PCDH7: variants seen among roughly 807,000 people sequenced by gnomAD.
PCDH7 encodes protocadherin-7.
PCDH7 carries 17 observed loss-of-function variants against 58.9 expected under a neutral mutation model. The observed-to-expected ratio is 0.29, with a 90% CI of 0.20 to 0.43. The LOEUF (loss-of-function observed/expected upper bound fraction) is 0.43, where lower values mean the gene tolerates loss of function less well. PCDH7 is among the 20% of genes least tolerant of loss of function. The probability of loss-of-function intolerance (pLI) is 1.00; values close to 1 mark genes in which losing one functional copy is unlikely to be tolerated. For missense variants in PCDH7, 1,274 were observed against 1,441.0 expected (o/e 0.88, Z 1.88); for synonymous variants, 664 against 616.4 (o/e 1.08, Z -1.14).
intron 3 of PCDH7, among the ~76,000 whole-genome samples, chr4:31,066,790 A>G (rs1447897393): frequency 2.0e-5 from 3 of 151,962 alleles, no homozygotes; most frequent in Non-Finnish European, 4.4e-5. Context: ...ATAAAGGTTC[A>G]ATTACTCCAT....
chr4:30,775,174 A>C (rs896974214), intron 1 of PCDH7, among the ~76,000 whole-genome samples: 2 of 152,170 alleles, frequency 1.3e-5, no homozygotes, highest in African/African-American at 2.4e-5. Context: ...GTGCCGAGAG[A>C]GAATTGGGTT....
intron 3 of PCDH7, among the ~76,000 whole-genome samples, chr4:31,142,222 T>C (rs193042973): frequency 1.9e-4 from 29 of 152,086 alleles, no homozygotes; most frequent in Non-Finnish European, 4.4e-5. Flanking sequence ...ATATATCTGT[T>C]TCATCTACAC....
intron 1 of PCDH7, among the ~76,000 whole-genome samples, chr4:30,791,317 A>G (rs1409679681): frequency 1.3e-5 from 2 of 152,192 alleles, no homozygotes; most frequent in African/African-American, 2.4e-5. Context: ...CTTTGGACAA[A>G]TTACATCTTA....
intron 1 of PCDH7, among the ~76,000 whole-genome samples, chr4:30,781,472 T>G (rs1325314296): frequency 6.6e-6 from 1 of 151,394 alleles, no homozygotes; most frequent in African/African-American, 2.4e-5. Flanking sequence ...CCCAAATCAT[T>G]TATACTCTGA....
At chr4:30,867,676 C>A (rs1735043256) in intron 1 of PCDH7, among the ~76,000 whole-genome samples, 1 of 152,004 alleles carries the variant, frequency 6.6e-6, no homozygotes, top group Non-Finnish European at 1.5e-5. Context: ...TTCACTGGTG[C>A]CGCCACTTCC....
chr4:30,988,454 A>G (rs1751178019), intron 3 of PCDH7, among the ~76,000 whole-genome samples: 1 of 152,208 alleles, frequency 6.6e-6, no homozygotes, highest in Admixed American at 6.5e-5. Context: ...GAGAAGCCCA[A>G]CATTTTCCAT....
chr4:30,949,056 A>G (rs1461626541), intron 2 of PCDH7, among the ~76,000 whole-genome samples: 1 of 152,208 alleles, frequency 6.6e-6, no homozygotes, highest in Non-Finnish European at 1.5e-5. Context: ...CTGTCTTTAG[A>G]GAAAAATTCA....
chr4:30,930,186 C>T (rs1744396056), intron 2 of PCDH7, among the ~76,000 whole-genome samples: 1 of 152,108 alleles, frequency 6.6e-6, no homozygotes, highest in Admixed American at 6.6e-5. Context: ...TACAAAAAAT[C>T]ATAGCCGTGG....
At chr4:30,748,714 A>G (rs1337476592) in intron 1 of PCDH7, among the ~76,000 whole-genome samples, 1 of 152,184 alleles carries the variant, frequency 6.6e-6, no homozygotes, top group Non-Finnish European at 1.5e-5. Flanking sequence ...GAACACTGGG[A>G]ATAGCAATAT....
intron 3 of PCDH7, among the ~76,000 whole-genome samples, chr4:31,019,074 C>T (rs949381330): frequency 1.3e-5 from 2 of 151,936 alleles, no homozygotes; most frequent in Non-Finnish European, 2.9e-5. Context: ...TGACTATTGA[C>T]TCAACATTCC....
chr4:31,038,513 T>G (rs1755595069), intron 3 of PCDH7, among the ~76,000 whole-genome samples: 1 of 152,070 alleles, frequency 6.6e-6, no homozygotes. Flanking sequence ...AGAAAATAAA[T>G]AGAGTTTACT....
At chr4:30,743,410 AG>A (rs2109250633) in intron 1 of PCDH7, among the ~76,000 whole-genome samples, 1 of 151,562 alleles carries the variant, frequency 6.6e-6, no homozygotes, top group East Asian at 2.0e-4. Flanking sequence ...GATTTTGCTC[AG>A]GGGTTCAAAA....
chr4:31,010,841 C>T (rs978827403), intron 3 of PCDH7, among the ~76,000 whole-genome samples: 3 of 151,860 alleles, frequency 2.0e-5, no homozygotes, highest in South Asian at 2.1e-4. Context: ...TTTTAAGCCT[C>T]ATTTTTTCTC....
At chr4:31,008,169 G>GA (rs1047015930) in intron 3 of PCDH7, among the ~76,000 whole-genome samples, 13 of 150,078 alleles carry the variant, frequency 8.7e-5, no homozygotes, top group Admixed American at 2.0e-4. Context: ...AATGAATTAT[G>GA]AAAAAAAAAT....
chr4:31,082,292 A>G (rs1009547024), intron 3 of PCDH7, among the ~76,000 whole-genome samples: 1 of 152,328 alleles, frequency 6.6e-6, no homozygotes, highest in Non-Finnish European at 1.5e-5. Context: ...TCATTGGGAT[A>G]CAACAACCTT....
chr4:30,889,338 A>AAAT, intron 1 of PCDH7, among the ~76,000 whole-genome samples: 2 of 148,194 alleles, frequency 1.3e-5, no homozygotes, highest in Non-Finnish European at 3.0e-5. Flanking sequence ...TTTGTTACAA[A>AAAT]AATAATAATA....
chr4:30,870,332 T>G (rs1735417284), intron 1 of PCDH7, among the ~76,000 whole-genome samples: 1 of 152,144 alleles, frequency 6.6e-6, no homozygotes, highest in African/African-American at 2.4e-5. Context: ...GCATTGCTTT[T>G]GGTGTTTTTG....
At chr4:31,029,396 G>A (rs772864906) in intron 3 of PCDH7, among the ~76,000 whole-genome samples, 5 of 152,164 alleles carry the variant, frequency 3.3e-5, no homozygotes, top group Non-Finnish European at 7.3e-5. Context: ...ATCTAGAGGG[G>A]CGCTCAGCAG....
At chr4:30,927,055 G>C (rs374670567) in intron 2 of PCDH7, among the ~76,000 whole-genome samples, 1 of 151,976 alleles carries the variant, frequency 6.6e-6, no homozygotes, top group Non-Finnish European at 1.5e-5. Context: ...TATGACATTT[G>C]AGGAGGGAAT....
Sources: gnomAD v4.1 joint callset for allele counts (sites outside exome capture counted in the v4.1 genomes callset) on GRCh38, gnomAD v4.1.1 for gene constraint, MANE v1.5 for transcripts, NCBI Gene and HGNC (gene_info 2026-07-23, HGNC 2026-07-21) for gene names.